The following NALCN variants were observed in gnomAD, a reference collection of about 807,000 sequenced individuals.
NALCN encodes sodium leak channel NALCN.
A neutral mutation model predicts 225.3 loss-of-function variants in NALCN; 111 were observed. That is an observed-to-expected ratio of 0.49 (90% confidence interval 0.42 to 0.58). The LOEUF (loss-of-function observed/expected upper bound fraction) is 0.58, where lower values mean the gene tolerates loss of function less well. Ranked by LOEUF, NALCN falls within the 20% of genes least tolerant of loss-of-function variation. NALCN has a pLI of 0.00. For missense variants in NALCN, 1,378 were observed against 2,202.4 expected, an observed-to-expected ratio of 0.63 and a Z score of 7.49; for synonymous variants, 764 against 769.0, an observed-to-expected ratio of 0.99 and a Z score of 0.11.
chr13:101,100,942 T>A, intron 26 of NALCN, 54 bp from the exon 27 acceptor site: 10 of 1,471,748 alleles, frequency 6.8e-6, no homozygotes, highest in Non-Finnish European at 9.3e-6. Flanking sequence ...AATATTAGGT[T>A]TGGTTTAAAC....
intron 10 of NALCN, among the ~76,000 whole-genome samples, chr13:101,275,104 G>A (rs922025443): frequency 6.6e-5 from 10 of 152,120 alleles, no homozygotes; most frequent in African/African-American, 2.2e-4. Context: ...GCTGCTCCCG[G>A]CCACGCCTCC....
At chr13:101,083,345 T>C (rs1412837657) in intron 31 of NALCN, 147 bp from the exon 32 acceptor site, 3 of 682,042 alleles carry the variant, frequency 4.4e-6, no homozygotes, top group African/African-American at 1.8e-5. Context: ...TTTGCAGCAA[T>C]GGCTGGCTCT....
At chr13:101,166,452 T>C (rs1342870205) in intron 15 of NALCN, among the ~76,000 whole-genome samples, 1 of 152,242 alleles carries the variant, frequency 6.6e-6, no homozygotes, top group African/African-American at 2.4e-5. Context: ...AAGTGGTATC[T>C]CATTGTGGTT....
chr13:101,315,248 A>T (rs1234403457), intron 7 of NALCN, among the ~76,000 whole-genome samples: 1 of 152,198 alleles, frequency 6.6e-6, no homozygotes, highest in East Asian at 1.9e-4. Flanking sequence ...AATTCTAGAA[A>T]GTCTAGATAA....
At chr13:101,357,121 T>C (rs2046087637) in intron 6 of NALCN, among the ~76,000 whole-genome samples, 1 of 152,194 alleles carries the variant, frequency 6.6e-6, no homozygotes, top group Non-Finnish European at 1.5e-5. Context: ...TTTTGAAAAC[T>C]GGCACAAGAC....
At chr13:101,058,972 G>C (rs1490835946) in intron 42 of NALCN, 1 of 152,324 alleles carries the variant, frequency 6.6e-6, no homozygotes, top group Admixed American at 6.5e-5. Flanking sequence ...TATGGCACCA[G>C]TGGGCCTCCT....
chr13:101,130,327 G>A (rs667973), intron 17 of NALCN, among the ~76,000 whole-genome samples: 41,996 of 151,854 alleles, frequency 0.28, 7,256 homozygotes, highest in African/African-American at 0.48. Flanking sequence ...TCTTCTTCCC[G>A]TTCACCTCCT....
At chr13:101,343,818 A>G (rs2045632728) in intron 7 of NALCN, among the ~76,000 whole-genome samples, 2 of 152,226 alleles carry the variant, frequency 1.3e-5, no homozygotes, top group African/African-American at 4.8e-5. Flanking sequence ...GAGTGAAGAA[A>G]GATGAATCAA....
intron 17 of NALCN, among the ~76,000 whole-genome samples, chr13:101,139,995 G>C (rs1205724230): frequency 6.6e-6 from 1 of 152,158 alleles, no homozygotes; most frequent in East Asian, 1.9e-4. Flanking sequence ...GGAACACCAA[G>C]AACTGGTGGG....
intron 15 of NALCN, among the ~76,000 whole-genome samples, chr13:101,150,219 G>A (rs1274826428): frequency 6.6e-6 from 1 of 152,090 alleles, no homozygotes; most frequent in African/African-American, 2.4e-5. Flanking sequence ...TGTGCTGCCG[G>A]GTGTCTGCAG....
At chr13:101,397,581 T>A (rs2047350557) in intron 2 of NALCN, among the ~76,000 whole-genome samples, 1 of 151,270 alleles carries the variant, frequency 6.6e-6, no homozygotes, top group African/African-American at 2.4e-5. Flanking sequence ...ATAACATATA[T>A]GTGTATGTGT....
At chr13:101,137,643 T>TA (rs2036867198) in intron 17 of NALCN, among the ~76,000 whole-genome samples, 1 of 152,082 alleles carries the variant, frequency 6.6e-6, no homozygotes, top group Non-Finnish European at 1.5e-5. Context: ...AATCAAACTC[T>TA]AAAAAAATCA....
intron 15 of NALCN, among the ~76,000 whole-genome samples, chr13:101,173,434 T>G (rs1231300347): frequency 6.6e-6 from 1 of 152,172 alleles, no homozygotes; most frequent in African/African-American, 2.4e-5. Context: ...CTCCGACATT[T>G]GTTGGCTGTG....
intron 14 of NALCN, among the ~76,000 whole-genome samples, chr13:101,185,619 G>A (rs1294429795): frequency 2.6e-5 from 4 of 152,214 alleles, no homozygotes; most frequent in Non-Finnish European, 4.4e-5. Flanking sequence ...AGAGAGAGAT[G>A]TTTGAAAGGG....
intron 6 of NALCN, among the ~76,000 whole-genome samples, chr13:101,355,348 G>A (rs2046022808): frequency 6.8e-6 from 1 of 147,458 alleles, no homozygotes; most frequent in South Asian, 2.2e-4. Flanking sequence ...AGGGATGGAG[G>A]AAGACCTACC....
intron 9 of NALCN, among the ~76,000 whole-genome samples, chr13:101,289,103 G>A (rs545935413): frequency 1.3e-5 from 2 of 152,244 alleles, no homozygotes; most frequent in African/African-American, 2.4e-5. Flanking sequence ...AACAAAGCAG[G>A]GTATTATATC....
chr13:101,251,675 T>A (rs926272830), intron 11 of NALCN, among the ~76,000 whole-genome samples: 1 of 152,068 alleles, frequency 6.6e-6, no homozygotes, highest in Admixed American at 6.6e-5. Context: ...TCCTGCAAAA[T>A]AATCATATTA....
chr13:101,237,744 A>ATT lies in NALCN; in HGVS notation c.1434+9_1434+10dup. 6.5e-7 allele frequency: 1 copy of ATT among 1,547,452 alleles called. No homozygotes were observed. ...AAATTTCTAAAGACAAATAGGCATT[A>ATT]TTTTTATTACCTGAAAGTACGTGAA... On this transcript the variant is annotated intron_variant, in intron 12 of 43. Coordinates refer to ENST00000251127, the MANE Select transcript of NALCN (RefSeq NM_052867.4).
intron 3 of NALCN, among the ~76,000 whole-genome samples, chr13:101,381,559 A>C (rs1290093581): frequency 6.6e-6 from 1 of 152,116 alleles, no homozygotes; most frequent in Non-Finnish European, 1.5e-5. Context: ...AAGGTAATAG[A>C]AGATGAATTA....
Sources: allele counts gnomAD v4.1 joint callset (sites outside exome capture counted in the v4.1 genomes callset), GRCh38; gene constraint gnomAD v4.1.1; transcripts MANE v1.5; gene names NCBI Gene and HGNC (gene_info 2026-07-23, HGNC 2026-07-21).